Variants in TOX3 observed in about 807,000 individuals in gnomAD.
TOX3 encodes TOX high mobility group box family member 3.
Under a neutral mutation model 64.3 loss-of-function variants are expected in TOX3, and 22 were observed. The ratio of observed to expected loss-of-function variants is 0.34; its 90% CI spans 0.24 to 0.49. TOX3 has a LOEUF of 0.49. TOX3 is among the 20% of genes least tolerant of loss of function. The pLI is 0.99. For missense variants in TOX3, 661 were observed against 714.4 expected, an observed-to-expected ratio of 0.93 and a Z score of 0.85; for synonymous variants, 291 against 273.6, an observed-to-expected ratio of 1.06 and a Z score of -0.63.
intron 1 of TOX3, among the ~76,000 whole-genome samples, chr16:52,502,645 T>C (rs1962034216): frequency 1.3e-5 from 2 of 152,178 alleles, no homozygotes; most frequent in African/African-American, 2.4e-5. Context: ...GAAATACAAT[T>C]TTTAACAAAA....
intron 6 of TOX3, among the ~76,000 whole-genome samples, chr16:52,442,003 A>G (rs1218663716): frequency 4.6e-5 from 7 of 152,252 alleles, no homozygotes; most frequent in Admixed American, 4.6e-4. Flanking sequence ...TATATACTCT[A>G]GTAGTTAAAA....
In TOX3 at chr16:52,439,627, C is replaced by T. The variant is rs2151737042; in HGVS notation, c.1329G>A (p.Met443Ile). The T allele has an allele frequency of 1.9e-6, 3 of 1,613,274 alleles. No individual in the cohort carries two copies. Residue 443 changes from methionine to isoleucine, a missense_variant, in exon 7 of 7, where the codon ATG (methionine) becomes ATA (isoleucine). Coordinates refer to ENST00000219746, the MANE Select transcript of TOX3 (RefSeq NM_001080430.4). ...SPSVQTQQHQ[M>I]QLQQQQQQQQ... ...GCTGCTGCTGCTGCTGCTGCAATTG[C>T]ATCTGATGCTGCTGGGTTTGCACCG...
At chr16:52,459,011 A>G (rs537510760) in intron 3 of TOX3, among the ~76,000 whole-genome samples, 55 of 152,190 alleles carry the variant, frequency 3.6e-4, no homozygotes, top group Non-Finnish European at 7.5e-4. Context: ...CAGTATAATC[A>G]ATCTCTAATG....
rs749247384 is a variant in TOX3, at chr16:52,439,343, G to C, written c.1613C>G (p.Ser538Cys). ...GGCAGGGATGGGGGATGTTATCTGA[G>C]AGGCGACAGGGGAGTGCTGCCGAGG... ...PSPRQHSPVA[S>C]QITSPIPAIG... The change falls in exon 7 of 7, where the codon TCT becomes TGT. Residue 538 changes from serine (S) to cysteine (C), a missense_variant. Around this residue, in one of 3 missense-constraint regions of TOX3, gnomAD observed 299 missense variants for 292.1 expected, o/e 1.02. Transcript: ENST00000219746. 2 of 1,612,840 alleles carry C rather than the reference G, an allele frequency of 1.2e-6. No homozygotes were observed. Among genetic ancestry groups the C allele is most frequent in the Non-Finnish European group, 1.7e-6 (2 of 1,179,280 alleles).
At chr16:52,455,436 T>C (rs1021517986) in intron 3 of TOX3, among the ~76,000 whole-genome samples, 1 of 152,150 alleles carries the variant, frequency 6.6e-6, no homozygotes, top group Admixed American at 6.5e-5. Context: ...CAAAATCCCC[T>C]TCATTTGCAA....
At chr16:52,467,032 A>G (rs984215825) in intron 2 of TOX3, among the ~76,000 whole-genome samples, 4 of 152,208 alleles carry the variant, frequency 2.6e-5, no homozygotes, top group Non-Finnish European at 5.9e-5. Context: ...TGACTTTTCA[A>G]TGTTTACCTT....
At chr16:52,442,736 C>T (rs924442607) in intron 6 of TOX3, among the ~76,000 whole-genome samples, 2 of 152,220 alleles carry the variant, frequency 1.3e-5, no homozygotes, top group Admixed American at 1.3e-4. Context: ...TTAGTTGCCT[C>T]ACAGTTCTTT....
In TOX3 at chr16:52,503,724, A is replaced by T. The variant is rs554161306; in HGVS notation, c.88-35150T>A. Among the ~76,000 whole-genome samples, 26 of 152,180 alleles carry T rather than the reference A, an allele frequency of 1.7e-4. No homozygotes were observed. The South Asian group carries it at 4.2e-3, about 24-fold the overall frequency. ...TCCAACTTCCAAAAATAAGCAATAA[A>T]TTTTTTTTAAAGAGCTGTTATTTTA... On this transcript the variant is annotated intron_variant, in intron 1 of 6. Transcript: ENST00000219746.
At chr16:52,477,987 G>T (rs1961265909) in intron 1 of TOX3, among the ~76,000 whole-genome samples, 1 of 152,088 alleles carries the variant, frequency 6.6e-6, no homozygotes, top group Non-Finnish European at 1.5e-5. Context: ...ACAGGAATGT[G>T]CCACCATGCC....
intron 2 of TOX3, among the ~76,000 whole-genome samples, chr16:52,466,258 T>C (rs1262461773): frequency 1.3e-5 from 2 of 152,218 alleles, no homozygotes; most frequent in African/African-American, 4.8e-5. Flanking sequence ...TTTAAAGTAC[T>C]TTAAAAATGG....
intron 1 of TOX3, among the ~76,000 whole-genome samples, chr16:52,481,683 G>A (rs1412540664): frequency 1.3e-5 from 2 of 152,198 alleles, no homozygotes; most frequent in Non-Finnish European, 2.9e-5. Flanking sequence ...GTACCAGTCT[G>A]GCTTTAGAAA....
chr16:52,530,627 C>T (rs531435412), intron 1 of TOX3, among the ~76,000 whole-genome samples: 3 of 151,588 alleles, frequency 2.0e-5, no homozygotes, highest in Admixed American at 6.6e-5. Context: ...GGAATGTAGG[C>T]GTGAGCCACC....
At chr16:52,440,748 C>CTTTTTTTT (rs1425662404) in intron 6 of TOX3, among the ~76,000 whole-genome samples, 3 of 89,456 alleles carry the variant, frequency 3.4e-5, no homozygotes, top group Admixed American at 1.2e-4. Context: ...ATTTTTCTTT[C>CTTTTTTTT]TTTCTTTTTT....
intron 1 of TOX3, among the ~76,000 whole-genome samples, chr16:52,474,297 G>T (rs1227833142): frequency 6.6e-6 from 1 of 152,076 alleles, no homozygotes; most frequent in Non-Finnish European, 1.5e-5. Flanking sequence ...GATCCACCCA[G>T]GCCGAAGCCA....
chr16:52,452,220 A>G (rs1596781243), intron 3 of TOX3, among the ~76,000 whole-genome samples: 2 of 152,308 alleles, frequency 1.3e-5, no homozygotes, highest in Admixed American at 1.3e-4. Flanking sequence ...TGGGAGGGGC[A>G]AGGAGGGGAG....
chr16:52,455,951 G>A (rs1252892888), intron 3 of TOX3, among the ~76,000 whole-genome samples: 5 of 152,302 alleles, frequency 3.3e-5, no homozygotes, highest in African/African-American at 1.2e-4. Context: ...ATAAAGGGAA[G>A]TAGAAGCTAA....
chr16:52,477,801 T>C (rs952650015), intron 1 of TOX3, among the ~76,000 whole-genome samples: 1 of 152,186 alleles, frequency 6.6e-6, no homozygotes, highest in Admixed American at 6.5e-5. Context: ...GAGGATTAAA[T>C]GGGTAAGTAT....
rs561074762 is a variant in TOX3 at position 52,536,796 on chromosome 16, T to A, written c.87+9841A>T. ...CCTTAACTCTTGACATTTTTAAGAGTCAAGGTCTTGCTGTGTTTCCCAGGC... is the reference window on the plus strand; with the variant it reads ...CCTTAACTCTTGACATTTTTAAGAGACAAGGTCTTGCTGTGTTTCCCAGGC... On this transcript the variant is annotated intron_variant, in intron 1 of 6. Coordinates refer to ENST00000219746, the MANE Select transcript of TOX3 (RefSeq NM_001080430.4). Among the ~76,000 whole-genome samples, 10 of 150,338 alleles carry A rather than the reference T, an allele frequency of 6.7e-5. No homozygotes were observed. In the South Asian group the frequency reaches 1.9e-3, roughly 29 times the overall value.
chr16:52,486,757 C>A (rs45519533), intron 1 of TOX3, among the ~76,000 whole-genome samples: 20,388 of 152,002 alleles, frequency 0.13, 1,501 homozygotes, highest in East Asian at 0.34. Flanking sequence ...CATATTGAGA[C>A]CCCTGTCTTT....
Sources: allele counts gnomAD v4.1 joint callset (sites outside exome capture counted in the v4.1 genomes callset), GRCh38; gene constraint gnomAD v4.1.1; regional missense constraint gnomAD v4.1.1; transcripts MANE v1.5; gene names NCBI Gene and HGNC (gene_info 2026-07-23, HGNC 2026-07-21).